The following TMCO4 variants were observed in gnomAD, a reference collection of about 807,000 sequenced individuals.
The protein encoded by TMCO4 is transmembrane and coiled-coil domains 4, also known as transmembrane and coiled-coil domain-containing protein 4.
TMCO4 carries 58 observed loss-of-function variants against 64.7 expected under a neutral mutation model. The ratio of observed to expected loss-of-function variants is 0.90; its 90% CI spans 0.73 to 1.12. TMCO4 has a LOEUF of 1.12. Ranked by LOEUF, TMCO4 falls within the 50% of genes most tolerant of loss-of-function variation. TMCO4 has a pLI of 0.00. For synonymous variants in TMCO4, 325 were observed against 346.1 expected (o/e 0.94, Z 0.68); for missense variants, 780 against 825.9 (o/e 0.94, Z 0.68).
At chr1:19,703,494 TCTC>T (rs1017723492) in intron 13 of TMCO4, among the ~76,000 whole-genome samples, 9 of 149,406 alleles carry the variant, frequency 6.0e-5, no homozygotes, top group Admixed American at 1.3e-4. Flanking sequence ...TCCCTCCTTC[TCTC>T]CTTTCTTTCC....
intron 15 of TMCO4, among the ~76,000 whole-genome samples, chr1:19,685,543 T>C (rs549232397): frequency 6.6e-6 from 1 of 152,226 alleles, no homozygotes; most frequent in East Asian, 1.9e-4. Context: ...GCCTGACACG[T>C]AGTAGGTCCT....
chr1:19,786,212 G>A (rs1281737756), intron 3 of TMCO4, among the ~76,000 whole-genome samples: 6 of 152,134 alleles, frequency 3.9e-5, no homozygotes, highest in Admixed American at 6.6e-5. Context: ...AGCCGTGATC[G>A]CACTATTGCC....
rs72967423 is a variant in TMCO4 at position 19,765,643 on chromosome 1, G to A, written c.382+4899C>T. On this transcript the variant is annotated intron_variant, in intron 6 of 15. Transcript: ENST00000294543. ...TCAGATTTAGTTTAACTTTCATCAC[G>A]TAAAAGACTTATTTTTTCGGTTGTG... 8.4e-3 allele frequency among the ~76,000 whole-genome samples: 1,284 copies of A among 152,114 alleles called. 16 individuals are homozygous for A. Among genetic ancestry groups the A allele is most frequent in the African/African-American group, 0.029 (1,211 of 41,474 alleles).
intron 2 of TMCO4, among the ~76,000 whole-genome samples, chr1:19,787,850 A>G (rs139235807): frequency 0.023 from 3,554 of 152,066 alleles, 145 homozygotes; most frequent in African/African-American, 0.081. Context: ...CCGCCTCCCA[A>G]GTTCAAGTGA....
At chr1:19,747,744 T>C (rs979473055) in intron 7 of TMCO4, among the ~76,000 whole-genome samples, 6 of 152,164 alleles carry the variant, frequency 3.9e-5, no homozygotes, top group African/African-American at 1.4e-4. Flanking sequence ...GAGCAGTAGC[T>C]AGACTTGTTC....
At chr1:19,791,337 A>G (rs537514758) in intron 2 of TMCO4, among the ~76,000 whole-genome samples, 1 of 143,280 alleles carries the variant, frequency 7.0e-6, no homozygotes, top group East Asian at 1.9e-4. Flanking sequence ...TTAAAATTAA[A>G]AAAAAAAAGG....
intron 2 of TMCO4, among the ~76,000 whole-genome samples, chr1:19,794,499 C>A (rs940502135): frequency 6.6e-6 from 1 of 152,160 alleles, no homozygotes; most frequent in Non-Finnish European, 1.5e-5. Flanking sequence ...GCAGAAATGG[C>A]AAAGTTTGTA....
At chr1:19,721,834 C>T (rs1375076861) in intron 13 of TMCO4, among the ~76,000 whole-genome samples, 1 of 152,042 alleles carries the variant, frequency 6.6e-6, no homozygotes, top group Non-Finnish European at 1.5e-5. Flanking sequence ...CACACACACA[C>T]ACGTTTTGGA....
intron 2 of TMCO4, among the ~76,000 whole-genome samples, chr1:19,787,599 C>A (rs1037953507): frequency 3.9e-5 from 6 of 152,144 alleles, no homozygotes; most frequent in African/African-American, 1.4e-4. Context: ...TCTCACATGC[C>A]AATGGAGCAT....
intron 15 of TMCO4, among the ~76,000 whole-genome samples, chr1:19,684,139 C>G (rs914823674): frequency 1.0e-4 from 11 of 106,062 alleles, no homozygotes; most frequent in African/African-American, 1.5e-4. Flanking sequence ...AAAATGAAAA[C>G]AGAGAGAGAG....
At chr1:19,746,973 G>A (rs1335000674) in intron 8 of TMCO4, among the ~76,000 whole-genome samples, 190 bp downstream of exon 8, 1 of 144,576 alleles carries the variant, frequency 6.9e-6, no homozygotes, top group Non-Finnish European at 1.5e-5. Flanking sequence ...TTACCCCTCA[G>A]CTACCTACTG....
chr1:19,754,451 A>G (rs2042155225), intron 7 of TMCO4, among the ~76,000 whole-genome samples: 2 of 152,068 alleles, frequency 1.3e-5, no homozygotes, highest in South Asian at 4.2e-4. Context: ...TCAAGGAAAT[A>G]CCCCTTTTCT....
intron 14 of TMCO4, among the ~76,000 whole-genome samples, chr1:19,698,650 C>T (rs1043945460): frequency 1.3e-5 from 2 of 152,194 alleles, no homozygotes; most frequent in South Asian, 2.1e-4. Context: ...CTGGCTGATG[C>T]TTAATTTAAC....
chr1:19,786,933 T>C (rs577804606), intron 3 of TMCO4, 93 bp downstream of exon 3: 1 of 152,282 alleles, frequency 6.6e-6, no homozygotes, highest in African/African-American at 2.4e-5. Flanking sequence ...GATTATATTC[T>C]AGAGAGGGAG....
At chr1:19,799,292 G>A (rs924643824) in intron 1 of TMCO4, 11 of 152,406 alleles carry the variant, frequency 7.2e-5, no homozygotes, top group African/African-American at 2.6e-4. Context: ...GTAACATGAG[G>A]AGCCTGGTTT....
intron 13 of TMCO4, 22 bp from the exon 14 acceptor site, chr1:19,700,907 G>C: frequency 6.2e-7 from 1 of 1,607,304 alleles, no homozygotes; most frequent in Non-Finnish European, 8.5e-7. Flanking sequence ...CCCCAGAAAA[G>C]GCCGTCAGTG....
chr1:19,712,882 G>A (rs1193462258), intron 13 of TMCO4, among the ~76,000 whole-genome samples: 4 of 152,142 alleles, frequency 2.6e-5, no homozygotes, highest in African/African-American at 9.7e-5. Flanking sequence ...GGGCAATTCT[G>A]CTAAAATCAT....
rs777222326 is a variant in TMCO4 at position 19,694,421 on chromosome 1, G to A, written c.1500+13C>T. On this transcript the variant is annotated intron_variant, in intron 15 of 15. Transcript: ENST00000294543. ...CAAACGCAAAGCCCCAGGAGGAACA[G>A]GCCGACACTCACCACAGAGGTCAGG... 1 of 1,611,062 alleles carries A rather than the reference G, an allele frequency of 6.2e-7. No homozygotes were observed. The highest frequency in any genetic ancestry group is 1.7e-5 in the Admixed American group (1 of 59,964).
intron 3 of TMCO4, among the ~76,000 whole-genome samples, chr1:19,785,056 C>A (rs61768339): frequency 6.6e-6 from 1 of 152,126 alleles, no homozygotes; most frequent in Non-Finnish European, 1.5e-5. Context: ...TTGTTCACTA[C>A]GCTACAGCCA....
Sources: allele counts gnomAD v4.1 joint callset (sites outside exome capture counted in the v4.1 genomes callset), GRCh38; gene constraint gnomAD v4.1.1; transcripts MANE v1.5; gene names NCBI Gene and HGNC (gene_info 2026-07-23, HGNC 2026-07-21).